Variants in RNF213 observed in about 807,000 individuals in gnomAD.
RNF213 encodes the protein E3 ubiquitin-protein ligase RNF213.
Under a neutral mutation model 514.4 loss-of-function variants are expected in RNF213, and 341 were observed. The ratio of observed to expected loss-of-function variants is 0.66; its 90% CI spans 0.61 to 0.73. The LOEUF is 0.73. Among genes scored for constraint, RNF213 ranks in the 30% least tolerant of loss-of-function variants. The pLI is 0.00. For synonymous variants in RNF213, 2,655 were observed against 2,658.2 expected, an observed-to-expected ratio of 1.00 and a Z score of 0.04; for missense variants, 5,767 against 6,615.6, an observed-to-expected ratio of 0.87 and a Z score of 4.45.
At position 80,382,968 on chromosome 17, in the gene RNF213, T is replaced by C. The variant is rs758111715; in HGVS notation, c.13979-11T>C. The C allele has an allele frequency of 3.1e-5, 49 of 1,600,174 alleles. No individual in the cohort carries two copies. The highest frequency in any genetic ancestry group is 4.0e-5 in the Non-Finnish European group (47 of 1,167,606). Reference sequence around the variant, plus strand: ...CCTTGGGTAACCTACACATTTGGAGTTTTTTTGTAGGGCTTTTAAATTTTG... The same window carrying C: ...CCTTGGGTAACCTACACATTTGGAGCTTTTTTGTAGGGCTTTTAAATTTTG... On this transcript the variant is annotated splice_polypyrimidine_tract_variant and intron_variant, in intron 57 of 67. Coordinates refer to ENST00000582970, the MANE Select transcript of RNF213 (RefSeq NM_001256071.3).
At position 80,343,184 on chromosome 17, in the gene RNF213, C is replaced by G. The variant is rs140244096; in HGVS notation, c.6042C>G (p.Asn2014Lys). The G allele has an allele frequency of 6.2e-7, 1 of 1,613,996 alleles. No individual in the cohort carries two copies. The highest frequency in any genetic ancestry group is 8.5e-7 in the Non-Finnish European group (1 of 1,179,934). Residue 2014 changes from asparagine to lysine, a missense_variant, in exon 27 of 68, where the codon AAC becomes AAG. Around this residue, in one of 13 missense-constraint regions of RNF213, gnomAD observed 1,377 missense variants for 1,635.2 expected, o/e 0.84. Coordinates refer to ENST00000582970, the MANE Select transcript of RNF213 (RefSeq NM_001256071.3). This position sits in a 1 kb window ranked among gnomAD's most constrained non-coding sequence, Gnocchi z 4.3. ...ACGACAAAATGAAGATGCAGTTAAA[C>G]GTGAAAAATGTGCCTCTGAAAACAA... ...RLHDKMKMQL[N>K]VKNVPLKTIR...
rs560873261 is a variant in RNF213 at position 80,351,515 on chromosome 17, G to A, written c.10185-170G>A. ...CCTTGTGAGAGAAGAAATCACGATCGCAGGGCTCTGAAGTTTATGTAAAAC... is the reference window on the plus strand; with the variant it reads ...CCTTGTGAGAGAAGAAATCACGATCACAGGGCTCTGAAGTTTATGTAAAAC... On this transcript the variant is annotated intron_variant, in intron 31 of 67. Coordinates refer to ENST00000582970, the MANE Select transcript of RNF213 (RefSeq NM_001256071.3). Among the ~76,000 whole-genome samples the A allele has an allele frequency of 2.0e-4, 30 of 152,352 alleles. No homozygotes were observed. The East Asian group carries it at 5.2e-3, about 26-fold the overall frequency.
At chr17:80,268,520 G>A (rs2043687533) in intron 2 of RNF213, among the ~76,000 whole-genome samples, 2 of 152,080 alleles carry the variant, frequency 1.3e-5, no homozygotes, top group African/African-American at 4.8e-5. Flanking sequence ...GAAAATGAAT[G>A]ATCGTAAGCT....
At position 80,345,991 on chromosome 17, in the gene RNF213, G is replaced by T. The variant is rs752662991; in HGVS notation, c.7656G>T (p.Thr2552=). Residue 2552 remains threonine (T), a synonymous_variant, in exon 29 of 68, where the codon ACG becomes ACT. Coordinates refer to ENST00000582970, the MANE Select transcript of RNF213 (RefSeq NM_001256071.3). The surrounding 1 kb of genome is among the most constrained non-coding windows in gnomAD (Gnocchi z 6.0). ...GCTACAGGGTTAGTATGGAGGAGACGGCCGACAGGCTGGGCTCCATTCCTC... is the reference window on the plus strand; with the variant it reads ...GCTACAGGGTTAGTATGGAGGAGACTGCCGACAGGCTGGGCTCCATTCCTC... ...GLGYRVSMEE[T]ADRLGSIPLR... The T allele has an allele frequency of 1.2e-6, 2 of 1,614,060 alleles. No individual in the cohort carries two copies. Among genetic ancestry groups the T allele is most frequent in the Admixed American group, 3.3e-5 (2 of 60,004 alleles).
At position 80,347,206 on chromosome 17, in the gene RNF213, C is replaced by T. The variant is rs2078341953; in HGVS notation, c.8871C>T (p.Tyr2957=). 1.2e-6 allele frequency: 2 copies of T among 1,613,478 alleles called. No homozygotes were observed. The highest frequency in any genetic ancestry group is 1.3e-5 in the African/African-American group (1 of 74,920). Residue 2957 remains tyrosine (Y), a synonymous_variant, in exon 29 of 68, where the codon TAC becomes TAT. Transcript: ENST00000582970. The surrounding 1 kb of genome is among the most constrained non-coding windows in gnomAD (Gnocchi z 7.2). ...DKEFFGLRDY[Y]SLIKMVFAAA... is the part of the protein sequence containing the mutation. Reference sequence around the variant, plus strand: ...AATTCTTCGGGCTTCGTGACTACTACAGCCTCATCAAAATGGTCTTTGCTG... The same window carrying T: ...AATTCTTCGGGCTTCGTGACTACTATAGCCTCATCAAAATGGTCTTTGCTG...
At chr17:80,378,796 G>A (rs772019621) in intron 54 of RNF213, among the ~76,000 whole-genome samples, 5 of 152,162 alleles carry the variant, frequency 3.3e-5, no homozygotes, top group African/African-American at 4.8e-5. Context: ...GTTATCAGCC[G>A]TGACTCTCAG....
At position 80,352,691 on chromosome 17, in the gene RNF213, C is replaced by T. The variant is rs1032876812; in HGVS notation, c.10304-249C>T. On this transcript the variant is annotated intron_variant, in intron 32 of 67. Coordinates refer to ENST00000582970, the MANE Select transcript of RNF213 (RefSeq NM_001256071.3). The stretch of plus-strand genomic sequence containing the variant: ...AGGCCTTATCCATGCGTCCTTCCCA[C>T]GCTGGCCATTGCAGGTCTTACCGTT... The T allele has an allele frequency of 1.3e-5, 8 of 639,196 alleles. No individual in the cohort carries two copies. In the Middle Eastern group the frequency reaches 7.5e-4, roughly 60 times the overall value. 39.6% of individuals were successfully genotyped at this position (639,196 alleles called of 1,614,324 possible). A position where few individuals can be genotyped will look rare whatever the true frequency, so the allele number is the denominator to read the frequency against.
At chr17:80,328,583 T>C (rs2046337529) in intron 20 of RNF213, 106 bp downstream of exon 20, 1 of 1,219,256 alleles carries the variant, frequency 8.2e-7, no homozygotes, top group African/African-American at 1.5e-5. Context: ...AGAGAAGGCT[T>C]TAAAATTTTT....
intron 2 of RNF213, among the ~76,000 whole-genome samples, chr17:80,270,202 C>T (rs1226871143): frequency 3.9e-5 from 6 of 152,336 alleles, no homozygotes; most frequent in East Asian, 1.9e-4. Flanking sequence ...TAGTGGAGGA[C>T]GGACCTCAGC....
intron 36 of RNF213, chr17:80,355,383 AAGAAGCGGGGTGAATGGGAATGGGGGCT>A (rs2078712834): frequency 2.8e-6 from 1 of 357,132 alleles, no homozygotes; most frequent in Admixed American, 2.8e-5. Flanking sequence ...CTTACAGGGG[AAGAAGCGGGGTGAATGGGAATGGGGGCT>A]CACGGAGGAA....
chr17:80,289,571 TA>T, intron 5 of RNF213, 87 bp from the exon 6 acceptor site: 2 of 1,415,550 alleles, frequency 1.4e-6, no homozygotes, highest in Non-Finnish European at 1.9e-6. Context: ...GCCTTGGTAA[TA>T]AGAGCGAGAC....
In RNF213 at chr17:80,294,754, G is replaced by A. The variant is rs1457933368; in HGVS notation, c.1506G>A (p.Lys502=). The change falls in exon 9 of 68, where the codon AAG becomes AAA. Residue 502 remains lysine, a synonymous_variant. Coordinates refer to ENST00000582970, the MANE Select transcript of RNF213 (RefSeq NM_001256071.3). Reference sequence around the variant, plus strand: ...AGTACTATGACATAGTTTATATGAAGCCTCATGGGAGACTCCAGAAAGTCA... The same window carrying A: ...AGTACTATGACATAGTTTATATGAAACCTCATGGGAGACTCCAGAAAGTCA... ...WHQYYDIVYM[K]PHGRLQKVMN... is the part of the protein sequence containing the mutation. 2 of 1,613,944 alleles carry A rather than the reference G, an allele frequency of 1.2e-6. No homozygotes were observed. The highest frequency in any genetic ancestry group is 8.5e-7 in the Non-Finnish European group (1 of 1,180,046).
intron 2 of RNF213, among the ~76,000 whole-genome samples, chr17:80,267,435 C>G (rs2043646149): frequency 6.6e-6 from 1 of 152,070 alleles, no homozygotes; most frequent in East Asian, 1.9e-4. Flanking sequence ...GAGCGAGACT[C>G]CATCCCAAAA....
rs946147514 is a variant in RNF213, at chr17:80,343,401, C to T, written c.6183+76C>T. 9.2e-5 allele frequency: 116 copies of T among 1,266,162 alleles called. 4 individuals are homozygous for T. In the South Asian group the frequency reaches 1.1e-3, roughly 13 times the overall value. 78.4% of individuals were successfully genotyped at this position (1,266,162 alleles called of 1,614,324 possible). A position where few individuals can be genotyped will look rare whatever the true frequency, so the allele number is the denominator to read the frequency against. ...CCCATGTCTCTGCGTGACTCCTCCC[C>T]GTGTATAGAATTCCTTGTTTCCACA... is the stretch of plus-strand genomic sequence containing the variant. On this transcript the variant is annotated intron_variant, in intron 27 of 67. Transcript: ENST00000582970. This position sits in a 1 kb window ranked among gnomAD's most constrained non-coding sequence, Gnocchi z 4.3.
intron 15 of RNF213, chr17:80,315,756 GACA>G (rs1447155708): frequency 3.7e-5 from 1 of 27,290 alleles, no homozygotes; most frequent in Non-Finnish European, 8.0e-5. Context: ...TGGTGGAGGT[GACA>G]GTGGTGATGC....
intron 15 of RNF213, among the ~76,000 whole-genome samples, chr17:80,313,769 ACTGG>A (rs1328845564): frequency 6.0e-5 from 6 of 100,294 alleles, no homozygotes; most frequent in African/African-American, 1.5e-4. Flanking sequence ...TGGTGGAGGT[ACTGG>A]AGGTGATGGT....
intron 36 of RNF213, chr17:80,354,952 C>T (rs1251870816): frequency 1.1e-5 from 4 of 361,320 alleles, no homozygotes; most frequent in Non-Finnish European, 2.2e-5. Context: ...GCGGGATTTT[C>T]CCAGTCCTGC....
In RNF213 at chr17:80,363,146, G is replaced by A. The variant is rs763939503; in HGVS notation, c.11400G>A (p.Ala3800=). Residue 3800 remains alanine (A), a synonymous_variant, in exon 40 of 68, where the codon GCG becomes GCA. Coordinates refer to ENST00000582970, the MANE Select transcript of RNF213 (RefSeq NM_001256071.3). The part of the protein sequence containing the change: ...ALWSCTRKLK[A]ASEAPEEEVS... ...GGTCCTGCACTAGGAAACTGAAAGC[G>A]GCGTCAGAAGCGCCCGAGGAAGAGG... is the stretch of plus-strand genomic sequence containing the variant. The A allele has an allele frequency of 9.9e-6, 16 of 1,614,186 alleles. No individual in the cohort carries two copies. Among genetic ancestry groups the A allele is most frequent in the East Asian group, 4.5e-5 (2 of 44,884 alleles).
chr17:80,314,336 G>C (rs1340287560), intron 15 of RNF213, among the ~76,000 whole-genome samples: 1 of 23,682 alleles, frequency 4.2e-5, no homozygotes, highest in Non-Finnish European at 1.1e-4. Flanking sequence ...TGATGGTGGT[G>C]GTGGTGGTGG....
Sources: allele counts gnomAD v4.1 joint callset (sites outside exome capture counted in the v4.1 genomes callset), GRCh38; gene constraint gnomAD v4.1.1; regional missense constraint gnomAD v4.1.1; non-coding constraint Gnocchi (gnomAD v3.1); transcripts MANE v1.5; gene names NCBI Gene and HGNC (gene_info 2026-07-23, HGNC 2026-07-21).